The following POU6F1 variants were observed in gnomAD, a reference collection of about 807,000 sequenced individuals.
POU6F1 encodes POU domain, class 6, transcription factor 1.
A neutral mutation model predicts 28.9 loss-of-function variants in POU6F1; 9 were observed. That is an observed-to-expected ratio of 0.31 (90% CI 0.19 to 0.54). The LOEUF is 0.54. Among genes scored for constraint, POU6F1 ranks in the 20% least tolerant of loss-of-function variants. The pLI, the probability that POU6F1 is intolerant of heterozygous loss-of-function variation, is 0.94. For missense variants in POU6F1, 338 were observed against 426.1 expected, an observed-to-expected ratio of 0.79 and a Z score of 1.82; for synonymous variants, 173 against 171.1, an observed-to-expected ratio of 1.01 and a Z score of -0.09.
chr12:51,206,503 T>C (rs1943631598), intron 2 of POU6F1, among the ~76,000 whole-genome samples: 2 of 150,758 alleles, frequency 1.3e-5, no homozygotes, highest in South Asian at 4.2e-4. Context: ...AGAAAATATG[T>C]GTAAGCAAGA....
Position 51,190,277 on chromosome 12 carries a change from G to A in POU6F1, c.1806C>T (p.Thr602=). The change falls in exon 11 of 11, where the codon ACC becomes ACT. Residue 602 remains threonine, a synonymous_variant. Coordinates refer to ENST00000333640, the MANE Select transcript of POU6F1 (RefSeq NM_001330422.2). The surrounding 1 kb of genome is among the most constrained non-coding windows in gnomAD (Gnocchi z 4.5). ...GGATCTGAAAGACGTTCAGCTTGCT[G>A]GTGTTCTTGAGCGTCTGGCGCCGAT... ...FCNRRQTLKN[T]SKLNVFQIP 1 of 1,614,184 alleles carries A rather than the reference G, an allele frequency of 6.2e-7. No individual in the cohort carries two copies. Among genetic ancestry groups the A allele is most frequent in the South Asian group, 1.1e-5 (1 of 91,076 alleles).
rs756270693 is a variant in POU6F1, at chr12:51,191,670, G to A, written c.1416C>T (p.Gly472=). ...CCTGACCCACCTGGGTCTGTGTAAG[G>A]CCCAGCGAGAGCCGCCGGATCTTAA... The part of the protein sequence containing the change: ...KNFKIRRLSL[G]LTQTQVGQAL... The change falls in exon 10 of 11, where the codon GGC becomes GGT. Residue 472 remains glycine (G), a synonymous_variant. Coordinates refer to ENST00000333640, the MANE Select transcript of POU6F1 (RefSeq NM_001330422.2). 1.2e-6 allele frequency: 2 copies of A among 1,614,178 alleles called. No homozygotes were observed. The highest frequency in any genetic ancestry group is 2.2e-5 in the East Asian group (1 of 44,880).
In POU6F1 at chr12:51,199,942, A is replaced by G; in HGVS notation, c.245-74T>C. On this transcript the variant is annotated intron_variant, in intron 3 of 10. Transcript: ENST00000333640. This position sits in a 1 kb window ranked among gnomAD's most constrained non-coding sequence, Gnocchi z 4.1. ...AGTGGAGGGGTCACCACAGCAGTAC[A>G]TGACATCCCATCTGCAGCCTGAAGC... 2.5e-6 allele frequency: 1 copy of G among 399,210 alleles called. No individual in the cohort carries two copies. The highest frequency in any genetic ancestry group is 1.3e-4 in the South Asian group (1 of 7,854). 24.7% of individuals were successfully genotyped at this position (399,210 alleles called of 1,614,324 possible).
intron 1 of POU6F1, among the ~76,000 whole-genome samples, chr12:51,216,379 C>T (rs1944286188): frequency 6.6e-6 from 1 of 152,176 alleles, no homozygotes; most frequent in Admixed American, 6.5e-5. Flanking sequence ...GCTACATACA[C>T]ACACACTGAC....
rs116337524 is a variant in POU6F1, at chr12:51,209,406, G to A, written c.-47-2523C>T. Among the ~76,000 whole-genome samples, 1,043 of 152,292 alleles carry A rather than the reference G, an allele frequency of 6.8e-3. 14 individuals are homozygous for A. The highest frequency in any genetic ancestry group is 0.024 in the African/African-American group (990 of 41,542). On this transcript the variant is annotated intron_variant, in intron 1 of 10. Coordinates refer to ENST00000333640, the MANE Select transcript of POU6F1 (RefSeq NM_001330422.2). ...TAGAATATGTCGCTTTGTGTGTCTA[G>A]CTTCTTTTACTTGGCATGTTTCCAA...
chr12:51,196,483 T>TA (rs1327215856), intron 7 of POU6F1, among the ~76,000 whole-genome samples: 1 of 152,148 alleles, frequency 6.6e-6, no homozygotes, highest in Non-Finnish European at 1.5e-5. Flanking sequence ...AAGATGGGAA[T>TA]AAAAATCTCC....
Position 51,196,119 on chromosome 12 carries a change from G to C in POU6F1, c.1030C>G (p.Pro344Ala). The C allele has an allele frequency of 6.3e-7, 1 of 1,581,140 alleles. No homozygotes were observed. Among genetic ancestry groups the C allele is most frequent in the East Asian group, 2.3e-5 (1 of 44,370 alleles). Residue 344 changes from proline (P) to alanine (A), a missense_variant, in exon 8 of 11, where the codon CCA becomes GCA. Pro to Ala is a conservative substitution (Grantham distance 27). Around this residue, in one of 3 missense-constraint regions of POU6F1, gnomAD observed 206 missense variants for 225.6 expected, o/e 0.91. Transcript: ENST00000333640. ...GCCTGGACCTGCAGGCTTTGGGCTG[G>C]TGCTGGGGCCGCCACACTAGCTGAG... ...VNSASVAAPA[P>A]AQSLQVQAVT...
In POU6F1 at chr12:51,215,862, G is replaced by T. The variant is rs1028554841; in HGVS notation, c.-48+1780C>A. Among the ~76,000 whole-genome samples the T allele has an allele frequency of 2.6e-5, 4 of 152,060 alleles. 1 individual carries two copies. In the East Asian group the frequency reaches 7.7e-4, roughly 29 times the overall value. ...ACCAAATTATAGTAACCACCTCATG[G>T]GTTATTGTGAGGATTAAATTGATAA... On this transcript the variant is annotated intron_variant, in intron 1 of 10. Transcript: ENST00000333640.
chr12:51,200,126 T>C (rs537383867), intron 3 of POU6F1, among the ~76,000 whole-genome samples: 1 of 152,272 alleles, frequency 6.6e-6, no homozygotes, highest in East Asian at 1.9e-4. Context: ...TTCTCACATC[T>C]AGCTGAAGAA....
At chr12:51,196,681 G>T in intron 7 of POU6F1, 118 bp downstream of exon 7, 1 of 1,285,050 alleles carries the variant, frequency 7.8e-7, no homozygotes, top group South Asian at 1.3e-5. Flanking sequence ...AGAGGAGATA[G>T]GAACAACAGC....
At chr12:51,212,823 G>T (rs908226978) in intron 1 of POU6F1, among the ~76,000 whole-genome samples, 6 of 150,964 alleles carry the variant, frequency 4.0e-5, no homozygotes, top group African/African-American at 1.5e-4. Context: ...TCCAATATGG[G>T]AGTCAAGGAA....
At chr12:51,192,584 A>C in intron 8 of POU6F1, 113 bp from the exon 9 acceptor site, 5 of 1,367,282 alleles carry the variant, frequency 3.7e-6, no homozygotes, top group Non-Finnish European at 5.0e-6. Flanking sequence ...TCACGCATGC[A>C]GGACATTCCC....
At chr12:51,196,609 C>A (rs1484165672) in intron 7 of POU6F1, among the ~76,000 whole-genome samples, 190 bp downstream of exon 7, 1 of 152,256 alleles carries the variant, frequency 6.6e-6, no homozygotes, top group East Asian at 1.9e-4. Context: ...AATGTGAGCA[C>A]CTCCAGGACA....
chr12:51,206,079 A>G (rs1943591774), intron 2 of POU6F1, among the ~76,000 whole-genome samples: 1 of 143,364 alleles, frequency 7.0e-6, no homozygotes, highest in African/African-American at 2.5e-5. Context: ...TCGGCCTCCC[A>G]AAGTGCTGGG....
At chr12:51,214,449 G>A (rs1728207419) in intron 1 of POU6F1, among the ~76,000 whole-genome samples, 1 of 152,274 alleles carries the variant, frequency 6.6e-6, no homozygotes, top group Middle Eastern at 3.4e-3. Flanking sequence ...GGGTAAGGCT[G>A]ATGGGGACTG....
rs1004730803 is a variant in POU6F1, at chr12:51,189,860, C to A, written c.*387G>T. 4.1e-5 allele frequency: 9 copies of A among 221,080 alleles called. No homozygotes were observed. The highest frequency in any genetic ancestry group is 6.4e-5 in the Non-Finnish European group (7 of 109,406). The allele number at this position is 221,080 out of a possible 1,614,324, so 13.7% of individuals were successfully genotyped here. A position where few individuals can be genotyped will look rare whatever the true frequency, so the allele number is the denominator to read the frequency against. On this transcript the variant is annotated 3_prime_UTR_variant, in exon 11 of 11. Coordinates refer to ENST00000333640, the MANE Select transcript of POU6F1 (RefSeq NM_001330422.2). Reference sequence around the variant, plus strand: ...AGAAGACAAGGTGGAAAGAGAATGCCATCAAAAGCAAGAGCTAATGGCCAG... The same window carrying A: ...AGAAGACAAGGTGGAAAGAGAATGCAATCAAAAGCAAGAGCTAATGGCCAG...
intron 3 of POU6F1, among the ~76,000 whole-genome samples, chr12:51,202,813 T>A (rs1943317920): frequency 6.6e-6 from 1 of 152,212 alleles, no homozygotes; most frequent in South Asian, 2.1e-4. Flanking sequence ...CGTGGTGGTG[T>A]CATACTACTT....
intron 1 of POU6F1, among the ~76,000 whole-genome samples, chr12:51,215,134 C>T (rs1349888644): frequency 6.6e-6 from 1 of 152,008 alleles, no homozygotes; most frequent in Non-Finnish European, 1.5e-5. Flanking sequence ...ATTGAAGATA[C>T]GAGGTCACGT....
rs151280363 is a variant in POU6F1, at chr12:51,206,760, AC to A, written c.48+28del. On this transcript the variant is annotated intron_variant, in intron 2 of 10. Coordinates refer to ENST00000333640, the MANE Select transcript of POU6F1 (RefSeq NM_001330422.2). The stretch of plus-strand genomic sequence containing the variant: ...CCACACCCCTCACTCCATCACCCTT[AC>A]CCCCCCACTTCCCACCCCAGAAGAT... 3,519 of 397,352 alleles carry A rather than the reference AC, an allele frequency of 8.9e-3. 120 individuals carry two copies. Among genetic ancestry groups the A allele is most frequent in the African/African-American group, 0.067 (3,218 of 48,192 alleles). 24.6% of individuals were successfully genotyped at this position (397,352 alleles called of 1,614,324 possible).
Sources: gnomAD v4.1 joint callset for allele counts (sites outside exome capture counted in the v4.1 genomes callset) on GRCh38, gnomAD v4.1.1 for gene constraint, gnomAD v4.1.1 regional missense constraint, Gnocchi (gnomAD v3.1) non-coding constraint, MANE v1.5 for transcripts, NCBI Gene and HGNC (gene_info 2026-07-23, HGNC 2026-07-21) for gene names.